Variants in CST8 observed in about 807,000 individuals in gnomAD.
The protein encoded by CST8 is cystatin 8, also known as cystatin-8.
Under a neutral mutation model 11.8 loss-of-function variants are expected in CST8, and 20 were observed. That is an observed-to-expected ratio of 1.70 (90% CI 1.20 to 2.47). CST8 has a LOEUF of 2.47. Ranked by LOEUF, CST8 falls within the 30% of genes most tolerant of loss-of-function variation. CST8 has a pLI of 0.00. For missense variants in CST8, 196 were observed against 167.2 expected, an observed-to-expected ratio of 1.17 and a Z score of -0.95; for synonymous variants, 77 against 63.1, an observed-to-expected ratio of 1.22 and a Z score of -1.05.
chr20:23,492,831 GC>G, intron 2 of CST8, 126 bp from the exon 3 acceptor site: 2 of 700,118 alleles, frequency 2.9e-6, no homozygotes, highest in Non-Finnish European at 5.1e-6. Context: ...TTCCGCTAAA[GC>G]TCTGTCTGGG....
rs373570119 is a variant in CST8 at position 23,491,845 on chromosome 20, A to C, written c.178A>C (p.Ser60Arg). ...WFAMQEYNKE[S>R]EDKYVFLVVK... Reference sequence around the variant, plus strand: ...TGCCATGCAAGAATACAACAAAGAGAGCGAGGACAAGTATGTCTTCCTGGT... The same window carrying C: ...TGCCATGCAAGAATACAACAAAGAGCGCGAGGACAAGTATGTCTTCCTGGT... The change falls in exon 2 of 4, where the codon AGC (serine) becomes CGC (arginine). Residue 60 changes from serine (S) to arginine (R), a missense_variant. Coordinates refer to ENST00000246012, the MANE Select transcript of CST8 (RefSeq NM_005492.4). The C allele has an allele frequency of 6.2e-7, 1 of 1,614,102 alleles. No individual in the cohort carries two copies. Among genetic ancestry groups the C allele is most frequent in the South Asian group, 1.1e-5 (1 of 91,094 alleles).
chr20:23,497,288 G>A (rs571889979), downstream of CST8, among the ~76,000 whole-genome samples: 2 of 152,272 alleles, frequency 1.3e-5, no homozygotes, highest in South Asian at 4.1e-4. Context: ...CCCTCTGTTC[G>A]GGGTTCCTGA....
chr20:23,497,005 A>G (rs989368071), downstream of CST8, among the ~76,000 whole-genome samples: 1 of 152,214 alleles, frequency 6.6e-6, no homozygotes, highest in African/African-American at 2.4e-5. Flanking sequence ...CAATTTGTGC[A>G]GTTAACGCAA....
At chr20:23,502,196 C>A in the CST8 span, among the ~76,000 whole-genome samples, 1 of 152,198 alleles carries the variant, frequency 6.6e-6, no homozygotes, top group African/African-American at 2.4e-5. Flanking sequence ...TAAAAGCCAG[C>A]ACTTACTGAA....
downstream of CST8, among the ~76,000 whole-genome samples, chr20:23,500,794 T>TG (rs1465406347): frequency 4.6e-5 from 4 of 86,310 alleles, no homozygotes; most frequent in Non-Finnish European, 2.4e-5. Flanking sequence ...GAACAGGGGG[T>TG]GGGCTCTGGG....
the CST8 span, among the ~76,000 whole-genome samples, chr20:23,501,658 G>A: frequency 1.3e-5 from 2 of 152,374 alleles, no homozygotes; most frequent in South Asian, 2.1e-4. Context: ...GTCCAGAGAA[G>A]GCGACACTGC....
intron 3 of CST8, among the ~76,000 whole-genome samples, chr20:23,493,675 G>T (rs1238332713): frequency 6.6e-6 from 1 of 152,176 alleles, no homozygotes; most frequent in Non-Finnish European, 1.5e-5. Context: ...TTGGCCCAGG[G>T]GCTTTTGGCT....
At position 23,491,832 on chromosome 20, in the gene CST8, A is replaced by G. The variant is rs375579914; in HGVS notation, c.165A>G (p.Glu55=). The G allele has an allele frequency of 7.4e-6, 12 of 1,614,086 alleles. No homozygotes were observed. Among genetic ancestry groups the G allele is most frequent in the African/African-American group, 6.7e-5 (5 of 74,932 alleles). Residue 55 remains glutamate, a synonymous_variant, in exon 2 of 4, where the codon GAA becomes GAG. Coordinates refer to ENST00000246012, the MANE Select transcript of CST8 (RefSeq NM_005492.4). ...VKQCLWFAMQ[E]YNKESEDKYV... ...AGTGTCTGTGGTTTGCCATGCAAGA[A>G]TACAACAAAGAGAGCGAGGACAAGT... is the stretch of plus-strand genomic sequence containing the variant.
the CST8 span, among the ~76,000 whole-genome samples, chr20:23,503,395 C>A: frequency 6.6e-6 from 1 of 152,140 alleles, no homozygotes; most frequent in Non-Finnish European, 1.5e-5. Context: ...TGAAAATACA[C>A]TGAACAGCTG....
chr20:23,505,996 T>G, the CST8 span, among the ~76,000 whole-genome samples: 1 of 18,424 alleles, frequency 5.4e-5, no homozygotes, highest in African/African-American at 2.9e-4. Flanking sequence ...AATCTCCTAG[T>G]TTTTTTTTTT....
intron 3 of CST8, among the ~76,000 whole-genome samples, chr20:23,494,419 T>C (rs1049805304): frequency 1.3e-5 from 2 of 152,224 alleles, no homozygotes; most frequent in Non-Finnish European, 2.9e-5. Flanking sequence ...ACTTTCTCTT[T>C]TTCCAAGCAG....
chr20:23,493,179 T>C, intron 3 of CST8, 108 bp downstream of exon 3: 1 of 719,994 alleles, frequency 1.4e-6, no homozygotes. Flanking sequence ...TCCCAGTGTT[T>C]AGCCCCAGAT....
downstream of CST8, among the ~76,000 whole-genome samples, chr20:23,496,470 T>TTCAAAAGGTAATAAGATA (rs1447718720): frequency 6.6e-6 from 1 of 152,106 alleles, no homozygotes; most frequent in Non-Finnish European, 1.5e-5. Context: ...GATCACATGC[T>TTCAAAAGGTAATAAGATA]TCACAAGGTA....
intron 1 of CST8, 43 bp downstream of exon 1, chr20:23,491,385 C>T (rs918197977): frequency 1.1e-4 from 53 of 482,284 alleles, no homozygotes; most frequent in African/African-American, 2.9e-4. Flanking sequence ...AGGAACTCTC[C>T]CTAGACACAC....
downstream of CST8, among the ~76,000 whole-genome samples, chr20:23,496,198 G>A (rs1988042738): frequency 6.6e-6 from 1 of 151,880 alleles, no homozygotes; most frequent in Non-Finnish European, 1.5e-5. Context: ...GCAAATCAGA[G>A]TATTGGGGTA....
chr20:23,503,372 A>C, the CST8 span, among the ~76,000 whole-genome samples: 1 of 152,228 alleles, frequency 6.6e-6, no homozygotes, highest in Non-Finnish European at 1.5e-5. Context: ...ACATGTTGAA[A>C]ATTTGCTCAG....
chr20:23,493,290 G>A (rs1987947485), intron 3 of CST8, among the ~76,000 whole-genome samples: 1 of 152,168 alleles, frequency 6.6e-6, no homozygotes, highest in Non-Finnish European at 1.5e-5. Context: ...AAAGGATGTT[G>A]TCAAGACCAC....
At chr20:23,502,654 T>G in the CST8 span, among the ~76,000 whole-genome samples, 28 of 152,324 alleles carry the variant, frequency 1.8e-4, no homozygotes, top group East Asian at 5.2e-3. Context: ...TCTGCTTTAC[T>G]GTAACTTCCG....
In CST8 at chr20:23,495,822, C is replaced by G; in HGVS notation, c.346-9C>G. On this transcript the variant is annotated splice_polypyrimidine_tract_variant and intron_variant, in intron 3 of 3. Transcript: ENST00000246012. ...CTCTACTAATTTTTGTTGTTGTCATCTTTTTCAGAAATTAAGCTGCAGCTT... is the reference window on the plus strand; with the variant it reads ...CTCTACTAATTTTTGTTGTTGTCATGTTTTTCAGAAATTAAGCTGCAGCTT... The G allele has an allele frequency of 7.1e-7, 1 of 1,400,760 alleles. No individual in the cohort carries two copies. 86.8% of individuals were successfully genotyped at this position (1,400,760 alleles called of 1,614,324 possible). A position where few individuals can be genotyped will look rare whatever the true frequency, so the allele number is the denominator to read the frequency against.
Sources: allele counts gnomAD v4.1 joint callset (sites outside exome capture counted in the v4.1 genomes callset), GRCh38; gene constraint gnomAD v4.1.1; transcripts MANE v1.5; gene names NCBI Gene and HGNC (gene_info 2026-07-23, HGNC 2026-07-21).